The following CTTN variants were observed in gnomAD, a reference collection of about 807,000 sequenced individuals.
The protein encoded by CTTN is cortactin.
Under a neutral mutation model 84.0 loss-of-function variants are expected in CTTN, and 28 were observed. The observed-to-expected ratio is 0.33, with a 90% confidence interval of 0.25 to 0.46. The LOEUF (loss-of-function observed/expected upper bound fraction) is 0.46, where lower values mean the gene tolerates loss of function less well. CTTN is among the 20% of genes least tolerant of loss of function. The pLI is 1.00. For missense variants in CTTN, 641 were observed against 723.8 expected (o/e 0.89, Z 1.31); for synonymous variants, 301 against 288.8 (o/e 1.04, Z -0.43).
intron 12 of CTTN, among the ~76,000 whole-genome samples, chr11:70,423,496 A>G (rs1020217345): frequency 1.6e-4 from 25 of 152,342 alleles, no homozygotes; most frequent in African/African-American, 5.5e-4. Context: ...TGGCAGGGTC[A>G]GTCCTTGCCT....
intron 2 of CTTN, among the ~76,000 whole-genome samples, chr11:70,406,024 C>A (rs1264074156): frequency 6.6e-6 from 1 of 152,260 alleles, no homozygotes; most frequent in African/African-American, 2.4e-5. Context: ...ACAAGATGGA[C>A]TGGTTGTGCC....
chr11:70,423,439 C>T lies in CTTN; in HGVS notation c.957+444C>T, dbSNP rs190888428. On this transcript the variant is annotated intron_variant, in intron 12 of 17. Transcript: ENST00000301843. ...TCTCCCGTCTTCAGCCTCGTAGAGA[C>T]GCGGGCTCCACACTGCCTGCTCCTG... 9.2e-5 allele frequency among the ~76,000 whole-genome samples: 14 copies of T among 152,324 alleles called. No individual in the cohort carries two copies. In the East Asian group the frequency reaches 2.3e-3, roughly 25 times the overall value.
intron 5 of CTTN, 26 bp from the exon 6 acceptor site, chr11:70,414,516 T>C (rs753278486): frequency 6.4e-7 from 1 of 1,560,258 alleles, no homozygotes; most frequent in Non-Finnish European, 8.8e-7. Context: ...TGGTGTCTAA[T>C]GCTTTGTGTT....
chr11:70,422,915 A>C (rs1228854998), intron 11 of CTTN, 25 bp from the exon 12 acceptor site: 1 of 1,614,034 alleles, frequency 6.2e-7, no homozygotes, highest in East Asian at 2.2e-5. Flanking sequence ...CCTCAGAGTA[A>C]GTGTTGTGTT....
intron 7 of CTTN, 186 bp downstream of exon 7, chr11:70,415,903 A>T: frequency 1.6e-6 from 1 of 622,976 alleles, no homozygotes. Flanking sequence ...ATGTTTCTGG[A>T]TCATCTGGAT....
chr11:70,402,009 T>C (rs1003113123), intron 1 of CTTN, among the ~76,000 whole-genome samples: 1 of 151,864 alleles, frequency 6.6e-6, no homozygotes, highest in African/African-American at 2.4e-5. Flanking sequence ...AAAAATTAGC[T>C]GGGTGTGATG....
At chr11:70,434,923 C>T in intron 17 of CTTN, 103 bp from the exon 18 acceptor site, 1 of 1,297,454 alleles carries the variant, frequency 7.7e-7, no homozygotes, top group Non-Finnish European at 1.1e-6. Context: ...CAGGGGGCAT[C>T]TCTGAGCAGG....
rs372555751 is a variant in CTTN, at chr11:70,409,973, C to T, written c.291+13C>T. ...CCGAATGGATAAGGTAAGTGGCCCG[C>T]GGCTGCCTATGCCAGGCTCCTGGTG... On this transcript the variant is annotated intron_variant, in intron 5 of 17. Transcript: ENST00000301843. 3.7e-6 allele frequency: 6 copies of T among 1,613,684 alleles called. No individual in the cohort carries two copies. Among genetic ancestry groups the T allele is most frequent in the Non-Finnish European group, 4.2e-6 (5 of 1,179,874 alleles).
At chr11:70,410,018 GGTGGC>G in intron 5 of CTTN, 58 bp downstream of exon 5, 2 of 1,589,982 alleles carry the variant, frequency 1.3e-6, no homozygotes, top group African/African-American at 2.7e-5. Context: ...CACTAGACTG[GGTGGC>G]AGAGTCGTCC....
At chr11:70,412,523 T>C (rs2058106176) in intron 5 of CTTN, among the ~76,000 whole-genome samples, 1 of 152,100 alleles carries the variant, frequency 6.6e-6, no homozygotes, top group Non-Finnish European at 1.5e-5. Flanking sequence ...AATAAAAAAT[T>C]GAAATCTCTG....
rs1352171749 is a variant in CTTN, at chr11:70,417,083, C to T, written c.528C>T (p.Phe176=). Residue 176 remains phenylalanine, a synonymous_variant, in exon 8 of 18, where the codon TTC becomes TTT. Transcript: ENST00000301843. ...ADRVDKSAVG[F]DYQGKTEKHE... ...GAGTAGACAAGAGCGCGGTGGGCTT[C>T]GACTACCAGGGCAAGACGGAGAAGC... 15 of 1,614,142 alleles carry T rather than the reference C, an allele frequency of 9.3e-6. No homozygotes were observed. Among genetic ancestry groups the T allele is most frequent in the East Asian group, 4.5e-5 (2 of 44,884 alleles).
In CTTN at chr11:70,435,393, G is replaced by A; in HGVS notation, c.*231G>A. ...TATATTGTAATCACATTCCTTAGGA[G>A]GACTTTGGTAATTGGTTTTATGCAT... On this transcript the variant is annotated 3_prime_UTR_variant, in exon 18 of 18. Coordinates refer to ENST00000301843, the MANE Select transcript of CTTN (RefSeq NM_005231.4). 1 of 1,495,644 alleles carries A rather than the reference G, an allele frequency of 6.7e-7. No homozygotes were observed. Among genetic ancestry groups the A allele is most frequent in the Non-Finnish European group, 8.8e-7 (1 of 1,133,316 alleles). 92.6% of individuals were successfully genotyped at this position (1,495,644 alleles called of 1,614,324 possible).
Position 70,429,219 on chromosome 11 carries a change from C to T in CTTN, c.1176+20C>T. The T allele has an allele frequency of 6.2e-7, 1 of 1,602,998 alleles. No individual in the cohort carries two copies. The highest frequency in any genetic ancestry group is 8.5e-7 in the Non-Finnish European group (1 of 1,175,046). On this transcript the variant is annotated intron_variant, in intron 14 of 17. Transcript: ENST00000301843. The stretch of plus-strand genomic sequence containing the variant: ...CTGGAGGTGAGTGGCAAGGAGTGGG[C>T]CGCAGCGCACCCTCCCTGGGACCTG...
Position 70,417,084 on chromosome 11 carries a change from G to C in CTTN, c.529G>C (p.Asp177His). The change falls in exon 8 of 18, where the codon GAC becomes CAC. Residue 177 changes from aspartate to histidine, a missense_variant. This residue lies in a region of CTTN where 284 missense variants were observed against 348.4 expected (regional missense o/e 0.82). Transcript: ENST00000301843. The stretch of plus-strand genomic sequence containing the variant: ...AGTAGACAAGAGCGCGGTGGGCTTC[G>C]ACTACCAGGGCAAGACGGAGAAGCA... ...DRVDKSAVGF[D>H]YQGKTEKHES... 1 of 1,614,174 alleles carries C rather than the reference G, an allele frequency of 6.2e-7. No homozygotes were observed. The highest frequency in any genetic ancestry group is 8.5e-7 in the Non-Finnish European group (1 of 1,180,024).
Position 70,417,194 on chromosome 11 carries a change from C to T in CTTN, c.568+71C>T. Reference sequence around the variant, plus strand: ...CACCCACGAGGGCATTTTCTCTCTGCACACGTGATTGTTGTAGATTTTTTA... The same window carrying T: ...CACCCACGAGGGCATTTTCTCTCTGTACACGTGATTGTTGTAGATTTTTTA... On this transcript the variant is annotated intron_variant, in intron 8 of 17. Transcript: ENST00000301843. The T allele has an allele frequency of 6.3e-6, 7 of 1,117,916 alleles. No homozygotes were observed. The South Asian group carries it at 8.6e-5, about 14-fold the overall frequency. 69.2% of individuals were successfully genotyped at this position (1,117,916 alleles called of 1,614,324 possible). A position where few individuals can be genotyped will look rare whatever the true frequency, so the allele number is the denominator to read the frequency against.
At position 70,435,253 on chromosome 11, in the gene CTTN, G is replaced by GTTTTTTTTTGTT; in HGVS notation, c.*100_*101insGTTTTTTTTTTT. 1 of 936,826 alleles carries GTTTTTTTTTGTT rather than the reference G, an allele frequency of 1.1e-6. No individual in the cohort carries two copies. Among genetic ancestry groups the GTTTTTTTTTGTT allele is most frequent in the Non-Finnish European group, 1.3e-6 (1 of 761,254 alleles). 58.0% of individuals were successfully genotyped at this position (936,826 alleles called of 1,614,324 possible). A position where few individuals can be genotyped will look rare whatever the true frequency, so the allele number is the denominator to read the frequency against. ...TCTTGGGTGGTTTTGGGTTTTTTCT[G>GTTTTTTTTTGTT]TTTTTTTTTTTTTTTTTTTTTTTTT... On this transcript the variant is annotated 3_prime_UTR_variant, in exon 18 of 18. Transcript: ENST00000301843.
chr11:70,408,997 G>T (rs1366332965), intron 4 of CTTN, among the ~76,000 whole-genome samples: 2 of 152,142 alleles, frequency 1.3e-5, no homozygotes, highest in African/African-American at 4.8e-5. Context: ...CCCTTGGGCT[G>T]GTTAGGATTC....
At chr11:70,421,703 T>C in intron 11 of CTTN, 123 bp downstream of exon 11, 2 of 713,200 alleles carry the variant, frequency 2.8e-6, no homozygotes, top group East Asian at 2.5e-5. Flanking sequence ...ACTTGTCAGC[T>C]GTCAGGCTGT....
At position 70,417,001 on chromosome 11, in the gene CTTN, C is replaced by T. The variant is rs767197227; in HGVS notation, c.458-12C>T. ...TCAGGCCCCCGTGCTAATTGCTGCC[C>T]TGTCTCTCCAGACTACTCCAGTGGT... On this transcript the variant is annotated splice_polypyrimidine_tract_variant and intron_variant, in intron 7 of 17. Coordinates refer to ENST00000301843, the MANE Select transcript of CTTN (RefSeq NM_005231.4). The T allele has an allele frequency of 1.9e-6, 3 of 1,609,340 alleles. No homozygotes were observed. The highest frequency in any genetic ancestry group is 4.5e-5 in the East Asian group (2 of 44,864).
Sources: gnomAD v4.1 joint callset for allele counts (sites outside exome capture counted in the v4.1 genomes callset) on GRCh38, gnomAD v4.1.1 for gene constraint, gnomAD v4.1.1 regional missense constraint, MANE v1.5 for transcripts, NCBI Gene and HGNC (gene_info 2026-07-23, HGNC 2026-07-21) for gene names.